DEF6: variants seen among roughly 807,000 people sequenced by gnomAD.
The protein encoded by DEF6 is DEF6 guanine nucleotide exchange factor, also known as differentially expressed in FDCP 6 homolog.
DEF6 carries 32 observed loss-of-function variants against 80.5 expected under a neutral mutation model. The ratio of observed to expected loss-of-function variants is 0.40; its 90% CI spans 0.30 to 0.53. The LOEUF is 0.53. Among genes scored for constraint, DEF6 ranks in the 20% least tolerant of loss-of-function variants. DEF6 has a pLI of 0.57. For synonymous variants in DEF6, 300 were observed against 337.9 expected, an observed-to-expected ratio of 0.89 and a Z score of 1.23; for missense variants, 575 against 818.7, an observed-to-expected ratio of 0.70 and a Z score of 3.63.
At chr6:35,310,383 C>G in intron 2 of DEF6, 76 bp from the exon 3 acceptor site, 1 of 1,550,920 alleles carries the variant, frequency 6.4e-7, no homozygotes, top group East Asian at 2.3e-5. Context: ...TAGATGAACC[C>G]AAGAAACCCA....
At chr6:35,309,634 T>A in intron 1 of DEF6, 36 bp from the exon 2 acceptor site, 1 of 1,602,802 alleles carries the variant, frequency 6.2e-7, no homozygotes, top group Non-Finnish European at 8.5e-7. Flanking sequence ...TTGGTTGGGG[T>A]GCAGAAAGAC....
At chr6:35,309,900 G>GT in intron 2 of DEF6, 90 bp downstream of exon 2, 1 of 1,475,388 alleles carries the variant, frequency 6.8e-7, no homozygotes. Context: ...CCAACTCTTC[G>GT]CCCCTGCCAT....
intron 1 of DEF6, among the ~76,000 whole-genome samples, chr6:35,303,529 GAAA>G (rs1011260220): frequency 2.6e-5 from 4 of 152,106 alleles, no homozygotes; most frequent in Non-Finnish European, 5.9e-5. Flanking sequence ...ATACCACAGT[GAAA>G]AAAACGCAAA....
intron 1 of DEF6, among the ~76,000 whole-genome samples, chr6:35,300,435 C>T (rs372586678): frequency 6.6e-6 from 1 of 152,160 alleles, no homozygotes; most frequent in African/African-American, 2.4e-5. Flanking sequence ...CACTTCTCCC[C>T]TAATGTGTTG....
chr6:35,300,601 CT>C (rs1791301986), intron 1 of DEF6, among the ~76,000 whole-genome samples: 1 of 152,208 alleles, frequency 6.6e-6, no homozygotes, highest in African/African-American at 2.4e-5. Context: ...TTCTTTCTCT[CT>C]TTGAATTCTT....
chr6:35,317,995 A>G lies in DEF6; in HGVS notation c.912A>G (p.Thr304=). ...ASDTRQRQEW[T]AAIQMAIRLQ... is the part of the protein sequence containing the mutation. ...ACACGCGCCAGCGCCAGGAGTGGAC[A>G]GCTGGTGAGTGCTCGCTAGGTGGCT... Residue 304 remains threonine (T), a synonymous_variant, in exon 6 of 11, where the codon ACA becomes ACG. Coordinates refer to ENST00000316637, the MANE Select transcript of DEF6 (RefSeq NM_022047.4). 1 of 1,613,068 alleles carries G rather than the reference A, an allele frequency of 6.2e-7. No individual in the cohort carries two copies. Among genetic ancestry groups the G allele is most frequent in the Admixed American group, 1.7e-5 (1 of 59,880 alleles).
At chr6:35,299,148 C>T (rs1791280719) in intron 1 of DEF6, among the ~76,000 whole-genome samples, 1 of 152,134 alleles carries the variant, frequency 6.6e-6, no homozygotes, top group African/African-American at 2.4e-5. Context: ...TTTCACTCCC[C>T]CAGGAAGGAG....
Position 35,321,305 on chromosome 6 carries a change from G to A in DEF6, c.1791G>A (p.Ser597=), listed in dbSNP as rs765691207. 13 of 1,613,710 alleles carry A rather than the reference G, an allele frequency of 8.1e-6. No individual in the cohort carries two copies. Among genetic ancestry groups the A allele is most frequent in the African/African-American group, 1.3e-5 (1 of 74,812 alleles). Residue 597 remains serine (S), a synonymous_variant, in exon 11 of 11, where the codon TCG becomes TCA. Transcript: ENST00000316637. ...GATCCCAGGGCAACAGGACCCCCTC[G>A]CCCAACAGCAATGAGCAGCAGAAGT... ...RWGSQGNRTP[S]PNSNEQQKSL...
chr6:35,299,804 G>A (rs1024731734), intron 1 of DEF6, among the ~76,000 whole-genome samples: 2 of 152,136 alleles, frequency 1.3e-5, no homozygotes, highest in South Asian at 4.1e-4. Flanking sequence ...GGGGTGGGGC[G>A]GAAATGGCGG....
chr6:35,316,003 G>T, intron 5 of DEF6: 1 of 158,718 alleles, frequency 6.3e-6, no homozygotes, highest in South Asian at 1.3e-4. Flanking sequence ...GGGATTACAG[G>T]CACCTGCCAC....
intron 5 of DEF6, chr6:35,316,274 G>C (rs1791525021): frequency 6.6e-6 from 1 of 151,972 alleles, no homozygotes; most frequent in Admixed American, 6.6e-5. Context: ...CAAAGTGTTA[G>C]GATTACAAGT....
At chr6:35,316,533 G>A (rs531414653) in intron 5 of DEF6, among the ~76,000 whole-genome samples, 1 of 152,334 alleles carries the variant, frequency 6.6e-6, no homozygotes, top group African/African-American at 2.4e-5. Flanking sequence ...AATGTTAGCT[G>A]TGAGTTTGTC....
chr6:35,318,518 G>T lies in DEF6; in HGVS notation c.1215+47G>T, dbSNP rs6899744. 28,339 of 1,357,374 alleles carry T rather than the reference G, an allele frequency of 0.021. 779 individuals carry two copies. Among genetic ancestry groups the T allele is most frequent in the African/African-American group, 0.14 (8,885 of 64,814 alleles). The allele number at this position is 1,357,374 out of a possible 1,614,324, so 84.1% of individuals were successfully genotyped here. A position where few individuals can be genotyped will look rare whatever the true frequency, so the allele number is the denominator to read the frequency against. On this transcript the variant is annotated intron_variant, in intron 7 of 10. Transcript: ENST00000316637. This position sits in a 1 kb window ranked among gnomAD's most constrained non-coding sequence, Gnocchi z 5.1. ...GGGGACGGGACCGGTGGGCTGGGAG[G>T]CTGGCCAGGGGCGGAGCGCCGGGGG...
intron 1 of DEF6, among the ~76,000 whole-genome samples, chr6:35,301,267 T>G (rs1293432983): frequency 6.6e-6 from 1 of 152,216 alleles, no homozygotes; most frequent in African/African-American, 2.4e-5. Flanking sequence ...AGCTTTGTCC[T>G]GACCCCTGTG....
chr6:35,298,579 G>A lies in DEF6; in HGVS notation c.96+627G>A, dbSNP rs113146097. 5.3e-5 allele frequency among the ~76,000 whole-genome samples: 8 copies of A among 152,306 alleles called. 1 individual carries two copies. The highest frequency in any genetic ancestry group is 1.7e-4 in the African/African-American group (7 of 41,568). ...CTTACCTTAGGCCTTGAGACCTCAG[G>A]TAGGGAAGGGGGAGAATCTAAGCCC... On this transcript the variant is annotated intron_variant, in intron 1 of 10. Transcript: ENST00000316637.
chr6:35,313,522 C>A, intron 5 of DEF6: 1 of 308,316 alleles, frequency 3.2e-6, no homozygotes. Context: ...TAAACTGTAG[C>A]CACCCTACTG....
chr6:35,310,844 G>A (rs1791457632), intron 3 of DEF6, among the ~76,000 whole-genome samples, 200 bp downstream of exon 3: 1 of 152,110 alleles, frequency 6.6e-6, no homozygotes, highest in Non-Finnish European at 1.5e-5. Flanking sequence ...CCTTCTTCCA[G>A]GAAAACTGAA....
intron 1 of DEF6, among the ~76,000 whole-genome samples, chr6:35,306,133 A>G (rs967775551): frequency 6.6e-6 from 1 of 151,320 alleles, no homozygotes; most frequent in Non-Finnish European, 1.5e-5. Flanking sequence ...ACCTCAGGTG[A>G]TCCACCTGCC....
intron 1 of DEF6, among the ~76,000 whole-genome samples, chr6:35,298,527 A>G (rs1050829006): frequency 6.6e-6 from 1 of 152,132 alleles, no homozygotes; most frequent in African/African-American, 2.4e-5. Flanking sequence ...TCACCCCCCT[A>G]TCCACCACAC....
Sources: allele counts gnomAD v4.1 joint callset (sites outside exome capture counted in the v4.1 genomes callset), GRCh38; gene constraint gnomAD v4.1.1; non-coding constraint Gnocchi (gnomAD v3.1); transcripts MANE v1.5; gene names NCBI Gene and HGNC (gene_info 2026-07-23, HGNC 2026-07-21).